GPR158: variants seen among roughly 807,000 people sequenced by gnomAD.
The protein encoded by GPR158 is G protein-coupled receptor 158, also known as metabotropic glycine receptor.
GPR158 carries 30 observed loss-of-function variants against 78.2 expected under a neutral mutation model. The ratio of observed to expected loss-of-function variants is 0.38; its 90% confidence interval spans 0.29 to 0.52. The LOEUF (loss-of-function observed/expected upper bound fraction) is 0.52. Ranked by LOEUF, GPR158 falls within the 20% of genes least tolerant of loss-of-function variation. GPR158 has a pLI of 0.83. For synonymous variants in GPR158, 581 were observed against 591.1 expected, an observed-to-expected ratio of 0.98 and a Z score of 0.25; for missense variants, 1,463 against 1,523.5, an observed-to-expected ratio of 0.96 and a Z score of 0.66.
chr10:25,370,036 C>T (rs11014514), intron 2 of GPR158, among the ~76,000 whole-genome samples: 6,162 of 140,790 alleles, frequency 0.044, 113 homozygotes, highest in East Asian at 0.1. Flanking sequence ...TTTTTTATTG[C>T]ATCTATTTGA....
intron 2 of GPR158, among the ~76,000 whole-genome samples, chr10:25,277,506 C>T (rs1854202344): frequency 6.6e-6 from 1 of 151,740 alleles, no homozygotes; most frequent in African/African-American, 2.4e-5. Context: ...GAGCCCATCC[C>T]CAAACAAACA....
At chr10:25,478,112 G>C (rs1005828964) in intron 5 of GPR158, among the ~76,000 whole-genome samples, 4 of 152,122 alleles carry the variant, frequency 2.6e-5, no homozygotes, top group African/African-American at 9.7e-5. Context: ...AGGATGTATG[G>C]TTAAGAGCCT....
chr10:25,241,372 C>CTCTTTTCTTTTCTCTCT (rs1554787300), intron 2 of GPR158, among the ~76,000 whole-genome samples: 2 of 102,950 alleles, frequency 1.9e-5, no homozygotes, highest in African/African-American at 5.5e-5. Context: ...CTTTTCTTTT[C>CTCTTTTCTTTTCTCTCT]TCTCTTCTCT....
At chr10:25,284,885 A>AT (rs994910136) in intron 2 of GPR158, among the ~76,000 whole-genome samples, 1 of 151,836 alleles carries the variant, frequency 6.6e-6, no homozygotes, top group Non-Finnish European at 1.5e-5. Context: ...ACTTTATAGC[A>AT]TTTTTTTCCT....
chr10:25,430,266 T>C (rs2130574089), intron 4 of GPR158, among the ~76,000 whole-genome samples: 1 of 151,074 alleles, frequency 6.6e-6, no homozygotes, highest in Admixed American at 6.6e-5. Context: ...TCACAATTGC[T>C]TCAAAGAGAA....
At chr10:25,257,609 T>C (rs774018322) in intron 2 of GPR158, among the ~76,000 whole-genome samples, 23 of 152,256 alleles carry the variant, frequency 1.5e-4, no homozygotes, top group African/African-American at 2.2e-4. Context: ...TTTCCTTTTC[T>C]AATTTATTCA....
intron 4 of GPR158, among the ~76,000 whole-genome samples, chr10:25,438,966 A>C (rs1835033353): frequency 6.6e-6 from 1 of 152,214 alleles, no homozygotes; most frequent in South Asian, 2.1e-4. Context: ...TTTTATTGGG[A>C]TACAGCCACA....
chr10:25,190,666 T>A (rs1426380347), intron 1 of GPR158, among the ~76,000 whole-genome samples: 2 of 152,164 alleles, frequency 1.3e-5, no homozygotes, highest in Non-Finnish European at 2.9e-5. Flanking sequence ...AATAAGCATA[T>A]GTTTAAAGAT....
intron 7 of GPR158, among the ~76,000 whole-genome samples, chr10:25,583,327 C>T (rs558028525): frequency 1.3e-5 from 2 of 152,262 alleles, no homozygotes; most frequent in African/African-American, 4.8e-5. Flanking sequence ...CAAAAATGTA[C>T]CTGTTCACTA....
chr10:25,572,162 T>G (rs1231383667), intron 6 of GPR158, among the ~76,000 whole-genome samples: 1 of 152,176 alleles, frequency 6.6e-6, no homozygotes, highest in Admixed American at 6.5e-5. Context: ...CTTTCTAAAG[T>G]CCTGAGAATT....
chr10:25,331,115 ATT>A (rs71508724), intron 2 of GPR158, among the ~76,000 whole-genome samples: 1 of 151,800 alleles, frequency 6.6e-6, no homozygotes, highest in African/African-American at 2.4e-5. Context: ...ATATATATAT[ATT>A]TTTGTAGAGA....
intron 6 of GPR158, among the ~76,000 whole-genome samples, chr10:25,567,731 A>C (rs1836949012): frequency 6.6e-6 from 1 of 152,182 alleles, no homozygotes; most frequent in Non-Finnish European, 1.5e-5. Flanking sequence ...CAATTATTAG[A>C]AGTGTTTTAC....
At chr10:25,478,516 GTGTGTGTGTGT>G (rs1489759778) in intron 5 of GPR158, among the ~76,000 whole-genome samples, 3 of 151,364 alleles carry the variant, frequency 2.0e-5, no homozygotes, top group African/African-American at 7.3e-5. Flanking sequence ...GTGTGTGTGT[GTGTGTGTGTGT>G]AGAGAGAAGA....
rs893000470 is a variant in GPR158 at position 25,308,629 on chromosome 10, A to T, written c.1009-87282A>T. On this transcript the variant is annotated intron_variant, in intron 2 of 10. Transcript: ENST00000376351. ...GTGGCACTAAGCACATTCATCTTTCATGCAACAATCACCACTCTCCATTTC... is the reference window on the plus strand; with the variant it reads ...GTGGCACTAAGCACATTCATCTTTCTTGCAACAATCACCACTCTCCATTTC... 5.9e-5 allele frequency among the ~76,000 whole-genome samples: 9 copies of T among 152,228 alleles called. 1 individual carries two copies. Among genetic ancestry groups the T allele is most frequent in the Admixed American group, 5.2e-4 (8 of 15,282 alleles).
At position 25,243,301 on chromosome 10, in the gene GPR158, A is replaced by G. The variant is rs571356180; in HGVS notation, c.1008+22144A>G. 1.3e-4 allele frequency among the ~76,000 whole-genome samples: 20 copies of G among 152,174 alleles called. No homozygotes were observed. In the South Asian group the frequency reaches 3.1e-3, roughly 24 times the overall value. ...TTCAAGACCTAACACCTCACTGGTC[A>G]TCAATAGAAGCAAGCTGTAATTGGC... On this transcript the variant is annotated intron_variant, in intron 2 of 10. Transcript: ENST00000376351.
chr10:25,507,394 T>C (rs929755392), intron 5 of GPR158, among the ~76,000 whole-genome samples: 1 of 152,236 alleles, frequency 6.6e-6, no homozygotes, highest in Non-Finnish European at 1.5e-5. Flanking sequence ...GAGATGTTTC[T>C]GTCTGTAAAC....
At chr10:25,589,617 A>G (rs1158810872) in intron 8 of GPR158, among the ~76,000 whole-genome samples, 3 of 152,182 alleles carry the variant, frequency 2.0e-5, no homozygotes, top group Non-Finnish European at 4.4e-5. Context: ...AACTACTTCA[A>G]TCTGATGACT....
At chr10:25,294,179 G>A (rs960789954) in intron 2 of GPR158, among the ~76,000 whole-genome samples, 6 of 152,202 alleles carry the variant, frequency 3.9e-5, no homozygotes, top group Non-Finnish European at 7.3e-5. Flanking sequence ...AGATGAGTGA[G>A]ATTCCAGTTA....
intron 8 of GPR158, among the ~76,000 whole-genome samples, chr10:25,590,844 C>G (rs544085561): frequency 6.6e-6 from 1 of 152,086 alleles, no homozygotes; most frequent in Non-Finnish European, 1.5e-5. Flanking sequence ...TGTCCAAGTA[C>G]TTAAATCTGT....
Sources: gnomAD v4.1 joint callset for allele counts (sites outside exome capture counted in the v4.1 genomes callset) on GRCh38, gnomAD v4.1.1 for gene constraint, MANE v1.5 for transcripts, NCBI Gene and HGNC (gene_info 2026-07-23, HGNC 2026-07-21) for gene names.